Variants in ACAD10 observed in about 807,000 individuals in gnomAD.
ACAD10 encodes ACAD-10.
A neutral mutation model predicts 116.8 loss-of-function variants in ACAD10; 112 were observed. The observed-to-expected ratio is 0.96, with a 90% CI of 0.82 to 1.12. The LOEUF (loss-of-function observed/expected upper bound fraction) is 1.12, where lower values mean the gene tolerates loss of function less well. ACAD10 is among the 50% of genes most tolerant of loss of function. The pLI, the probability that ACAD10 is intolerant of heterozygous loss-of-function variation, is 0.00. For missense variants in ACAD10, 1,259 were observed against 1,350.2 expected (o/e 0.93, Z 1.06); for synonymous variants, 486 against 510.6 (o/e 0.95, Z 0.65).
chr12:111,733,955 C>A lies in ACAD10; in HGVS notation c.1427C>A (p.Pro476Gln). Residue 476 changes from proline to glutamine, a missense_variant, in exon 11 of 21, where the codon CCA becomes CAA. Coordinates refer to ENST00000313698, the MANE Select transcript of ACAD10 (RefSeq NM_025247.6). The part of the protein sequence containing the change: ...LDNLVFHPEE[P>Q]EVLAVLDWEL... ...AACCTGGTGTTTCATCCAGAAGAGC[C>A]AGAGGTGCTTGCTGTCCTTGACTGG... The A allele has an allele frequency of 6.2e-7, 1 of 1,614,234 alleles. No individual in the cohort carries two copies. Among genetic ancestry groups the A allele is most frequent in the Non-Finnish European group, 8.5e-7 (1 of 1,180,048 alleles).
At chr12:111,750,397 G>T (rs1003569941) in intron 18 of ACAD10, among the ~76,000 whole-genome samples, 1 of 152,068 alleles carries the variant, frequency 6.6e-6, no homozygotes, top group Non-Finnish European at 1.5e-5. Flanking sequence ...TGGGATTACC[G>T]GCGTGAGCCA....
Position 111,715,826 on chromosome 12 carries a change from T to C in ACAD10, c.856T>C (p.Leu286=), listed in dbSNP as rs142116766. 1.6e-4 allele frequency: 265 copies of C among 1,614,192 alleles called. 2 individuals carry two copies. In the Middle Eastern group the frequency reaches 0.012, roughly 73 times the overall value. ...DLLGIQTTGP[L]ELLQFDHGQS... is the part of the protein sequence containing the mutation. Reference sequence around the variant, plus strand: ...CTTTGTTTTCAAACTTGCAGGCCCATTGGAACTACTTCAGTTTGATCACGG... The same window carrying C: ...CTTTGTTTTCAAACTTGCAGGCCCACTGGAACTACTTCAGTTTGATCACGG... The change falls in exon 7 of 21, where the codon TTG becomes CTG. Residue 286 remains leucine, a synonymous_variant. Transcript: ENST00000313698.
chr12:111,709,544 G>T lies in ACAD10; in HGVS notation c.550G>T (p.Glu184Ter). 6.2e-7 allele frequency: 1 copy of T among 1,605,466 alleles called. No individual in the cohort carries two copies. Among genetic ancestry groups the T allele is most frequent in the Non-Finnish European group, 8.5e-7 (1 of 1,177,208 alleles). ...CCATCAGATTGTGGAGTCCTGCATG[G>T]AAGGGATCTGTAAGCCAGACCCTAG... ...QFDVIVESCM[E>*]GICKPDPRIY... The change falls in exon 5 of 21, where the codon GAA (glutamate) becomes TAA (stop). Residue 184 changes from glutamate (E) to a stop codon, truncating the protein, a stop_gained. Transcript: ENST00000313698. LOFTEE classifies it high-confidence loss of function.
intron 12 of ACAD10, among the ~76,000 whole-genome samples, chr12:111,737,891 C>T (rs1475713681): frequency 2.0e-5 from 3 of 151,992 alleles, no homozygotes; most frequent in South Asian, 2.1e-4. Context: ...CTCACTCTGT[C>T]GCCCAGGCTG....
chr12:111,715,876 C>T lies in ACAD10; in HGVS notation c.906C>T (p.Ile302=), dbSNP rs767124269. Residue 302 remains isoleucine (I), a synonymous_variant, in exon 7 of 21, where the codon ATC becomes ATT. Coordinates refer to ENST00000313698, the MANE Select transcript of ACAD10 (RefSeq NM_025247.6). ...DHGQSNPTYY[I]RLANRDLVLR... ...GGCAGTCAAATCCAACTTACTACAT[C>T]AGGCTGGCTAATCGTGATCTAGTTC... The T allele has an allele frequency of 1.2e-6, 2 of 1,614,158 alleles. No homozygotes were observed. The highest frequency in any genetic ancestry group is 1.1e-5 in the South Asian group (1 of 91,088).
chr12:111,756,567 C>T lies in ACAD10; in HGVS notation c.*94C>T, dbSNP rs1021238725. ...CTCGAAAGATCCGGTGTTTGTGGCT[C>T]CTGCACCCTGCTCAGCAGCTCTGTC... On this transcript the variant is annotated 3_prime_UTR_variant, in exon 21 of 21. Transcript: ENST00000313698. 2.3e-5 allele frequency: 36 copies of T among 1,535,800 alleles called. No individual in the cohort carries two copies. The highest frequency in any genetic ancestry group is 3.0e-5 in the Non-Finnish European group (34 of 1,138,876).
intron 5 of ACAD10, chr12:111,710,015 A>G (rs1888626497): frequency 2.9e-6 from 1 of 339,434 alleles, no homozygotes; most frequent in Non-Finnish European, 5.5e-6. Flanking sequence ...GCCACCAGCC[A>G]TGCAGGCCAT....
intron 4 of ACAD10, 141 bp downstream of exon 4, chr12:111,706,073 A>G (rs772891580): frequency 1.5e-5 from 13 of 846,254 alleles, no homozygotes; most frequent in South Asian, 5.3e-5. Context: ...TTTAAATGCA[A>G]TATGTTGAAA....
In ACAD10 at chr12:111,715,977, C is replaced by A; in HGVS notation, c.992+15C>A. 1 of 1,613,742 alleles carries A rather than the reference C, an allele frequency of 6.2e-7. No homozygotes were observed. ...AGGGAGTTCAGGTAAGTTTTCAGGG[C>A]CAGGGGAGCACTTGCCCACTAGCCT... On this transcript the variant is annotated intron_variant, in intron 7 of 20. Transcript: ENST00000313698.
At chr12:111,752,237 A>C (rs113985799) in intron 18 of ACAD10, among the ~76,000 whole-genome samples, 33 of 151,930 alleles carry the variant, frequency 2.2e-4, no homozygotes, top group African/African-American at 7.2e-4. Context: ...AAAAAAAAAA[A>C]CAAACAAAAA....
At chr12:111,742,557 C>T (rs1009429280) in intron 12 of ACAD10, among the ~76,000 whole-genome samples, 1 of 152,126 alleles carries the variant, frequency 6.6e-6, no homozygotes, top group African/African-American at 2.4e-5. Flanking sequence ...AACACCAAAG[C>T]TGCATGAAAA....
intron 2 of ACAD10, among the ~76,000 whole-genome samples, chr12:111,700,354 T>C (rs1888313538): frequency 6.6e-6 from 1 of 152,266 alleles, no homozygotes; most frequent in Admixed American, 6.5e-5. Flanking sequence ...GTTCTTTTTA[T>C]TATGAGCAAT....
intron 18 of ACAD10, chr12:111,749,777 ATT>A (rs1301287992): frequency 2.1e-5 from 3 of 141,268 alleles, no homozygotes; most frequent in Non-Finnish European, 1.5e-5. Context: ...AAAAAAAAAA[ATT>A]TTTTTTTTTT....
At chr12:111,753,129 G>A in intron 18 of ACAD10, 1 of 206,130 alleles carries the variant, frequency 4.9e-6, no homozygotes, top group Non-Finnish European at 1.0e-5. Context: ...GCGCAACAAA[G>A]TGAGACCCCG....
intron 18 of ACAD10, chr12:111,753,333 G>A: frequency 2.7e-6 from 1 of 370,478 alleles, no homozygotes; most frequent in Non-Finnish European, 5.4e-6. Context: ...GAGCTGCAGG[G>A]CAGGAAGGGG....
chr12:111,712,446 G>GA, intron 5 of ACAD10, 52 bp from the exon 6 acceptor site: 1 of 1,541,326 alleles, frequency 6.5e-7, no homozygotes, highest in South Asian at 1.2e-5. Flanking sequence ...GAAAGGAAGG[G>GA]AAAAATAACA....
At chr12:111,731,628 GC>G (rs1889386414) in intron 10 of ACAD10, among the ~76,000 whole-genome samples, 1 of 152,196 alleles carries the variant, frequency 6.6e-6, no homozygotes, top group Admixed American at 6.5e-5. Flanking sequence ...TTAGGATGTT[GC>G]CTCCAGGAAA....
intron 12 of ACAD10, among the ~76,000 whole-genome samples, chr12:111,739,623 T>A (rs1396648637): frequency 2.6e-5 from 4 of 152,098 alleles, no homozygotes; most frequent in Non-Finnish European, 5.9e-5. Context: ...CCAGGCCTGG[T>A]GGCGGGCACC....
intron 7 of ACAD10, among the ~76,000 whole-genome samples, chr12:111,716,244 A>T (rs955707687): frequency 6.6e-6 from 1 of 151,888 alleles, no homozygotes; most frequent in African/African-American, 2.4e-5. Flanking sequence ...TGCTGGCATG[A>T]ACCTGTAGTC....
Sources: allele counts gnomAD v4.1 joint callset (sites outside exome capture counted in the v4.1 genomes callset), GRCh38; gene constraint gnomAD v4.1.1; transcripts MANE v1.5; gene names NCBI Gene and HGNC (gene_info 2026-07-23, HGNC 2026-07-21).